The following VPS13D variants were observed in gnomAD, a reference collection of about 807,000 sequenced individuals.
The protein encoded by VPS13D is intermembrane lipid transfer protein VPS13D.
VPS13D carries 187 observed loss-of-function variants against 461.9 expected under a neutral mutation model. The observed-to-expected ratio is 0.40, with a 90% CI of 0.36 to 0.46. The LOEUF is 0.46. Ranked by LOEUF, VPS13D falls within the 20% of genes least tolerant of loss-of-function variation. VPS13D has a pLI of 0.60. For missense variants in VPS13D, 4,711 were observed against 5,364.9 expected (o/e 0.88, Z 3.81); for synonymous variants, 1,951 against 1,986.3 (o/e 0.98, Z 0.47).
intron 65 of VPS13D, among the ~76,000 whole-genome samples, chr1:12,420,101 A>T (rs760898466): frequency 2.0e-5 from 3 of 152,218 alleles, no homozygotes; most frequent in Non-Finnish European, 4.4e-5. Flanking sequence ...TGTAAAAACT[A>T]GTTATATCTC....
chr1:12,381,993 TC>T (rs1644287616), intron 57 of VPS13D, among the ~76,000 whole-genome samples: 3 of 147,310 alleles, frequency 2.0e-5, no homozygotes, highest in Admixed American at 6.9e-5. Flanking sequence ...TCTCTCTCTC[TC>T]TCCTTCCTTC....
chr1:12,303,277 A>G (rs1270513417), intron 25 of VPS13D, among the ~76,000 whole-genome samples: 2 of 152,208 alleles, frequency 1.3e-5, no homozygotes, highest in African/African-American at 2.4e-5. Flanking sequence ...CTTAATGAGT[A>G]CAAGATTGAG....
chr1:12,458,101 C>T (rs1645354101), intron 66 of VPS13D, among the ~76,000 whole-genome samples: 1 of 152,192 alleles, frequency 6.6e-6, no homozygotes, highest in Non-Finnish European at 1.5e-5. Context: ...AAAATCACCT[C>T]CCATCAAGAA....
chr1:12,407,810 G>A (rs939705346), intron 63 of VPS13D, among the ~76,000 whole-genome samples: 4 of 152,192 alleles, frequency 2.6e-5, no homozygotes, highest in African/African-American at 9.7e-5. Flanking sequence ...TTTCAGTAGA[G>A]GTTTCAAAGT....
chr1:12,345,123 C>T (rs77356519), intron 42 of VPS13D: 6,513 of 349,572 alleles, frequency 0.019, 362 homozygotes, highest in African/African-American at 0.11. Context: ...TTAGGTTTTG[C>T]GTGGTTTGTA....
chr1:12,266,382 A>G (rs906206738), intron 13 of VPS13D, among the ~76,000 whole-genome samples: 2 of 152,340 alleles, frequency 1.3e-5, no homozygotes, highest in Non-Finnish European at 2.9e-5. Context: ...TTGTTGTCTT[A>G]TTTTAAGAAA....
chr1:12,333,795 T>A (rs185219069), intron 38 of VPS13D, among the ~76,000 whole-genome samples: 2 of 152,324 alleles, frequency 1.3e-5, no homozygotes, highest in East Asian at 3.9e-4. Flanking sequence ...TTGACCTAAC[T>A]CTGAAAATGA....
chr1:12,506,523 C>T (rs1245432987), intron 68 of VPS13D, among the ~76,000 whole-genome samples: 1 of 152,216 alleles, frequency 6.6e-6, no homozygotes, highest in African/African-American at 2.4e-5. Context: ...CCCCCAGCTG[C>T]GTCTTCTCGC....
In VPS13D at chr1:12,456,636, CAAAAAAAAAAA is replaced by C. The variant is rs367987300; in HGVS notation, c.12466+520_12466+530del. ...CTGGCAACAGAGCAAGACTCCAATT[CAAAAAAAAAAA>C]AAAAAAAAAAAAAGAAAAGGCTGAC... is the stretch of plus-strand genomic sequence containing the variant. On this transcript the variant is annotated intron_variant, in intron 66 of 69. Transcript: ENST00000620676. 7.2e-3 allele frequency among the ~76,000 whole-genome samples: 606 copies of C among 83,716 alleles called. 4 individuals are homozygous for C. The highest frequency in any genetic ancestry group is 0.026 in the African/African-American group (573 of 21,754). The allele number at this position is 83,716 out of a possible 152,430, so 54.9% of individuals were successfully genotyped here. A position where few individuals can be genotyped will look rare whatever the true frequency, so the allele number is the denominator to read the frequency against.
intron 12 of VPS13D, 101 bp from the exon 13 acceptor site, chr1:12,261,800 A>G (rs773494182): frequency 4.8e-6 from 5 of 1,036,852 alleles, no homozygotes; most frequent in Middle Eastern, 2.2e-4. Context: ...CAAAGGGAAA[A>G]ATAGTTAAAT....
At chr1:12,501,622 G>A (rs1646036413) in intron 68 of VPS13D, among the ~76,000 whole-genome samples, 1 of 152,238 alleles carries the variant, frequency 6.6e-6, no homozygotes, top group African/African-American at 2.4e-5. Flanking sequence ...TTCTGAGACA[G>A]ACTAACGCAT....
At chr1:12,367,219 T>G (rs1247709933) in intron 52 of VPS13D, among the ~76,000 whole-genome samples, 1 of 152,248 alleles carries the variant, frequency 6.6e-6, no homozygotes, top group Admixed American at 6.5e-5. Context: ...TCCTATTTTC[T>G]GCATTTGGGC....
chr1:12,279,980 A>G lies in VPS13D; in HGVS notation c.4602+330A>G, dbSNP rs891875764. ...CCCAGGAGGATATCATTCTTGTCAC[A>G]CTTAGACATACTTAACACAGCCAGT... is the stretch of plus-strand genomic sequence containing the variant. On this transcript the variant is annotated intron_variant, in intron 20 of 69. Coordinates refer to ENST00000620676, the MANE Select transcript of VPS13D (RefSeq NM_015378.4). This position sits in a 1 kb window ranked among gnomAD's most constrained non-coding sequence, Gnocchi z 4.3. Among the ~76,000 whole-genome samples the G allele has an allele frequency of 9.9e-5, 15 of 152,156 alleles. No individual in the cohort carries two copies. Among genetic ancestry groups the G allele is most frequent in the African/African-American group, 3.6e-4 (15 of 41,438 alleles).
chr1:12,356,671 AT>A, intron 49 of VPS13D, 147 bp downstream of exon 49: 1 of 1,017,298 alleles, frequency 9.8e-7, no homozygotes. Context: ...ACCTAATGGG[AT>A]TTTTGGGGAT....
At chr1:12,372,804 T>C in intron 54 of VPS13D, among the ~76,000 whole-genome samples, 1 of 150,656 alleles carries the variant, frequency 6.6e-6, no homozygotes. Context: ...CATTACCTTT[T>C]TTTTTTTTTT....
chr1:12,467,317 G>C (rs982118662), intron 67 of VPS13D, among the ~76,000 whole-genome samples: 2 of 152,138 alleles, frequency 1.3e-5, no homozygotes, highest in African/African-American at 4.8e-5. Context: ...GATGGCAGGC[G>C]CACGCCACCT....
At chr1:12,466,503 T>C (rs566764493) in intron 67 of VPS13D, among the ~76,000 whole-genome samples, 1 of 152,350 alleles carries the variant, frequency 6.6e-6, no homozygotes, top group East Asian at 1.9e-4. Flanking sequence ...TTTTATTCCA[T>C]GTTTGGCTTA....
Position 12,258,058 on chromosome 1 carries a change from A to T in VPS13D, c.1065A>T (p.Lys355Asn), listed in dbSNP as rs755897969. The T allele has an allele frequency of 1.2e-6, 2 of 1,614,110 alleles. No homozygotes were observed. The highest frequency in any genetic ancestry group is 2.7e-5 in the African/African-American group (2 of 74,940). Reference protein sequence around the residue: ...RARDAVSYTDKYFNKLKGGLL... With the variant: ...RARDAVSYTDNYFNKLKGGLL... Reference sequence around the variant, plus strand: ...GTGATGCTGTATCTTACACTGACAAATATTTCAACAAGTTAAAAGGAGGCC... The same window carrying T: ...GTGATGCTGTATCTTACACTGACAATTATTTCAACAAGTTAAAAGGAGGCC... The change falls in exon 10 of 70, where the codon AAA becomes AAT. Residue 355 changes from lysine (K) to asparagine (N), a missense_variant. This residue lies in a region of VPS13D where 4,411 missense variants were observed against 4,937.8 expected (regional missense o/e 0.89). Transcript: ENST00000620676.
chr1:12,326,773 A>T (rs1442330001), intron 35 of VPS13D, among the ~76,000 whole-genome samples: 1 of 151,776 alleles, frequency 6.6e-6, no homozygotes, highest in Non-Finnish European at 1.5e-5. Context: ...CCTCCCAAGT[A>T]TCTGGGATTA....
Sources: gnomAD v4.1 joint callset for allele counts (sites outside exome capture counted in the v4.1 genomes callset) on GRCh38, gnomAD v4.1.1 for gene constraint, gnomAD v4.1.1 regional missense constraint, Gnocchi (gnomAD v3.1) non-coding constraint, MANE v1.5 for transcripts, NCBI Gene and HGNC (gene_info 2026-07-23, HGNC 2026-07-21) for gene names.